Variants in EPB41L4B observed in about 807,000 individuals in gnomAD.
EPB41L4B encodes erythrocyte membrane protein band 4.1 like 4B.
Under a neutral mutation model 112.5 loss-of-function variants are expected in EPB41L4B, and 30 were observed. The ratio of observed to expected loss-of-function variants is 0.27; its 90% CI spans 0.20 to 0.36. The LOEUF (loss-of-function observed/expected upper bound fraction) is 0.36, where lower values mean the gene tolerates loss of function less well. Ranked by LOEUF, EPB41L4B falls within the 10% of genes least tolerant of loss-of-function variation. The pLI is 1.00. For synonymous variants in EPB41L4B, 408 were observed against 439.7 expected (o/e 0.93, Z 0.90); for missense variants, 1,024 against 1,133.3 (o/e 0.90, Z 1.38).
intron 1 of EPB41L4B, among the ~76,000 whole-genome samples, chr9:109,281,691 A>C (rs530427907): frequency 5.0e-5 from 4 of 80,080 alleles, no homozygotes; most frequent in Non-Finnish European, 9.3e-5. Flanking sequence ...CTCATAAATA[A>C]ATAAATAAAT....
intron 15 of EPB41L4B, among the ~76,000 whole-genome samples, chr9:109,232,152 T>C (rs1588154755): frequency 6.6e-6 from 1 of 152,124 alleles, no homozygotes; most frequent in East Asian, 1.9e-4. Flanking sequence ...CCACCACACC[T>C]GGCTAATTTT....
Position 109,215,318 on chromosome 9 carries a change from C to T in EPB41L4B, c.1634-1500G>A, listed in dbSNP as rs751312178. On this transcript the variant is annotated intron_variant, in intron 16 of 25. Transcript: ENST00000374566. ...TTTTTGAGACAGAGTCTCACTCTGT[C>T]GCCCAGGCTGGAGTGCGGTGGCACC... 3.9e-5 allele frequency among the ~76,000 whole-genome samples: 6 copies of T among 152,100 alleles called. No homozygotes were observed. The South Asian group carries it at 6.2e-4, about 16-fold the overall frequency.
Position 109,194,319 on chromosome 9 carries a change from G to A in EPB41L4B, c.2124C>T (p.Ala708=), listed in dbSNP as rs3750447. 658,870 of 1,613,782 alleles carry A rather than the reference G, an allele frequency of 0.41. 138,817 individuals are homozygous for A. The highest frequency in any genetic ancestry group is 0.56 in the African/African-American group (41,675 of 74,898). Reference sequence around the variant, plus strand: ...GCAGCGGCACGGAGACTTGTGTGGCGGCCGTTGTGGTGTTTGTGGTTGTAG... The same window carrying A: ...GCAGCGGCACGGAGACTTGTGTGGCAGCCGTTGTGGTGTTTGTGGTTGTAG... The part of the protein sequence containing the change: ...TTSTTTNTTT[A]ATQVSVPLPS... Residue 708 remains alanine, a synonymous_variant, in exon 21 of 26, where the codon GCC becomes GCT. Coordinates refer to ENST00000374566, the MANE Select transcript of EPB41L4B (RefSeq NM_019114.5).
At position 109,320,761 on chromosome 9, in the gene EPB41L4B, G is replaced by A; in HGVS notation, c.-315C>T. The A allele has an allele frequency of 6.9e-6, 1 of 144,782 alleles. No homozygotes were observed. The highest frequency in any genetic ancestry group is 1.5e-5 in the Non-Finnish European group (1 of 65,348). 9.0% of individuals were successfully genotyped at this position (144,782 alleles called of 1,614,324 possible). A position where few individuals can be genotyped will look rare whatever the true frequency, so the allele number is the denominator to read the frequency against. On this transcript the variant is annotated 5_prime_UTR_variant, in exon 1 of 26. Coordinates refer to ENST00000374566, the MANE Select transcript of EPB41L4B (RefSeq NM_019114.5). Reference sequence around the variant, plus strand: ...GGCCTGCGCGGGCTGCCGAGGGGCTGCTCCGGACGGGCGGCTGCGGGCTGC... The same window carrying A: ...GGCCTGCGCGGGCTGCCGAGGGGCTACTCCGGACGGGCGGCTGCGGGCTGC...
chr9:109,184,849 G>A (rs941670823), intron 23 of EPB41L4B, among the ~76,000 whole-genome samples: 1 of 152,194 alleles, frequency 6.6e-6, no homozygotes. Context: ...GAATGTGTTA[G>A]ATAAATGGTA....
chr9:109,218,826 C>T (rs1221895012), intron 15 of EPB41L4B, among the ~76,000 whole-genome samples: 3 of 152,162 alleles, frequency 2.0e-5, no homozygotes, highest in South Asian at 2.1e-4. Context: ...AGATCCCTTC[C>T]TCTTATTCCC....
intron 1 of EPB41L4B, among the ~76,000 whole-genome samples, chr9:109,311,469 T>G (rs1047562068): frequency 2.0e-5 from 3 of 152,114 alleles, no homozygotes; most frequent in African/African-American, 7.2e-5. Flanking sequence ...CCGGGGGGAC[T>G]GAGCTGGGTA....
intron 15 of EPB41L4B, among the ~76,000 whole-genome samples, chr9:109,226,245 A>C (rs2118881962): frequency 6.6e-6 from 1 of 152,258 alleles, no homozygotes; most frequent in South Asian, 2.1e-4. Flanking sequence ...TGGAGGGTGA[A>C]TACAGGAGAC....
At chr9:109,211,910 G>GGC (rs1040962451) in intron 17 of EPB41L4B, among the ~76,000 whole-genome samples, 3 of 150,476 alleles carry the variant, frequency 2.0e-5, no homozygotes, top group Non-Finnish European at 4.4e-5. Flanking sequence ...GAGATGGGGG[G>GGC]GGTCTCGCCA....
At chr9:109,264,438 T>C (rs1688874038) in intron 5 of EPB41L4B, among the ~76,000 whole-genome samples, 1 of 152,214 alleles carries the variant, frequency 6.6e-6, no homozygotes, top group South Asian at 2.1e-4. Context: ...TAAGACTGCA[T>C]GCGAAATCAA....
At chr9:109,290,829 C>T (rs1836500877) in intron 1 of EPB41L4B, among the ~76,000 whole-genome samples, 1 of 151,838 alleles carries the variant, frequency 6.6e-6, no homozygotes, top group Non-Finnish European at 1.5e-5. Flanking sequence ...CACTGCTAAG[C>T]CGTCACAAAC....
chr9:109,319,995 G>T, intron 1 of EPB41L4B, 146 bp downstream of exon 1: 1 of 657,946 alleles, frequency 1.5e-6, no homozygotes, highest in Non-Finnish European at 2.2e-6. Context: ...AGAAGAAAAA[G>T]GGTTGAGGAG....
intron 20 of EPB41L4B, among the ~76,000 whole-genome samples, chr9:109,199,245 A>T (rs1422255016): frequency 2.0e-5 from 3 of 152,140 alleles, no homozygotes; most frequent in Non-Finnish European, 4.4e-5. Context: ...CTTTTCATGG[A>T]TATGCCGTGG....
intron 6 of EPB41L4B, among the ~76,000 whole-genome samples, chr9:109,262,843 C>T (rs1251188462): frequency 6.6e-6 from 1 of 152,196 alleles, no homozygotes; most frequent in African/African-American, 2.4e-5. Flanking sequence ...ACCTCCTGCA[C>T]GTCTCTGTTC....
chr9:109,283,827 C>G (rs1445700446), intron 1 of EPB41L4B, among the ~76,000 whole-genome samples: 2 of 151,920 alleles, frequency 1.3e-5, no homozygotes, highest in Non-Finnish European at 2.9e-5. Flanking sequence ...TGGCTCATGC[C>G]TCTAATTCCA....
intron 14 of EPB41L4B, 41 bp downstream of exon 14, chr9:109,247,714 AT>A (rs1386992810): frequency 1.5e-6 from 2 of 1,320,352 alleles, no homozygotes; most frequent in African/African-American, 3.0e-5. Context: ...TATTTTTAAA[AT>A]TTTCCTTCTT....
chr9:109,298,467 C>T (rs1202281491), intron 1 of EPB41L4B, among the ~76,000 whole-genome samples: 1 of 152,200 alleles, frequency 6.6e-6, no homozygotes, highest in Non-Finnish European at 1.5e-5. Flanking sequence ...GCGCCTGCCA[C>T]CACACCCAGC....
chr9:109,207,590 G>A (rs562827829), intron 18 of EPB41L4B, among the ~76,000 whole-genome samples: 72 of 151,970 alleles, frequency 4.7e-4, no homozygotes, highest in African/African-American at 1.7e-3. Context: ...AAAAGAAAGA[G>A]AGAGAGAAAG....
rs137932174 is a variant in EPB41L4B, at chr9:109,316,962, G to A, written c.306+3179C>T. On this transcript the variant is annotated intron_variant, in intron 1 of 25. Transcript: ENST00000374566. ...ATAAAAATAATTTTTTTAATTAGCC[G>A]GGTGTAGTGGTGCACAACCGCAGTC... Among the ~76,000 whole-genome samples, 235 of 152,130 alleles carry A rather than the reference G, an allele frequency of 1.5e-3. 2 individuals are homozygous for A. Among genetic ancestry groups the A allele is most frequent in the African/African-American group, 5.3e-3 (221 of 41,498 alleles).
Sources: gnomAD v4.1 joint callset for allele counts (sites outside exome capture counted in the v4.1 genomes callset) on GRCh38, gnomAD v4.1.1 for gene constraint, MANE v1.5 for transcripts, NCBI Gene and HGNC (gene_info 2026-07-23, HGNC 2026-07-21) for gene names.